NKAIN2: variants seen among roughly 807,000 people sequenced by gnomAD.
The protein encoded by NKAIN2 is sodium/potassium-transporting ATPase subunit beta-1-interacting protein 2.
NKAIN2 carries 14 observed loss-of-function variants against 32.6 expected under a neutral mutation model. The observed-to-expected ratio is 0.43, with a 90% CI of 0.28 to 0.67. NKAIN2 has a LOEUF of 0.67. Ranked by LOEUF, NKAIN2 falls within the 30% of genes least tolerant of loss-of-function variation. The pLI, the probability that NKAIN2 is intolerant of heterozygous loss-of-function variation, is 0.17. For synonymous variants in NKAIN2, 80 were observed against 87.2 expected, an observed-to-expected ratio of 0.92 and a Z score of 0.46; for missense variants, 198 against 258.3, an observed-to-expected ratio of 0.77 and a Z score of 1.60.
chr6:124,224,086 A>G (rs1486814336), intron 1 of NKAIN2, among the ~76,000 whole-genome samples: 1 of 152,192 alleles, frequency 6.6e-6, no homozygotes, highest in African/African-American at 2.4e-5. Flanking sequence ...GACAACTGAT[A>G]CTTCTGTGTA....
At chr6:124,058,189 T>G (rs917491714) in intron 1 of NKAIN2, among the ~76,000 whole-genome samples, 3 of 132,054 alleles carry the variant, frequency 2.3e-5, no homozygotes, top group African/African-American at 8.5e-5. Flanking sequence ...GTTTATTATG[T>G]GACATTTAAG....
chr6:124,358,911 AC>A (rs1196831507), intron 3 of NKAIN2, among the ~76,000 whole-genome samples: 1 of 151,322 alleles, frequency 6.6e-6, no homozygotes, highest in Non-Finnish European at 1.5e-5. Context: ...TTTAGGTCTA[AC>A]ATTTAAGTCT....
chr6:123,946,864 C>T (rs927560204), intron 1 of NKAIN2, among the ~76,000 whole-genome samples: 2 of 152,160 alleles, frequency 1.3e-5, no homozygotes, highest in Non-Finnish European at 2.9e-5. Context: ...GGAGCATCAC[C>T]CCATGAACAG....
chr6:124,263,457 C>G (rs1472066386), intron 1 of NKAIN2, among the ~76,000 whole-genome samples: 1 of 152,170 alleles, frequency 6.6e-6, no homozygotes, highest in East Asian at 1.9e-4. Flanking sequence ...TGGCCTTGCT[C>G]TGCGGACACA....
chr6:124,459,167 G>C (rs1416995844), intron 3 of NKAIN2, among the ~76,000 whole-genome samples: 1 of 151,758 alleles, frequency 6.6e-6, no homozygotes, highest in East Asian at 1.9e-4. Context: ...AAGAGAGGAG[G>C]AGTCCCCAAA....
At chr6:124,786,354 T>A (rs956525082) in intron 4 of NKAIN2, among the ~76,000 whole-genome samples, 3 of 152,100 alleles carry the variant, frequency 2.0e-5, no homozygotes, top group African/African-American at 7.2e-5. Flanking sequence ...AAGGTATCCT[T>A]CCCATTGCTC....
rs545881919 is a variant in NKAIN2, at chr6:124,626,957, T to TTTTA, written c.274-31225_274-31222dup. Among the ~76,000 whole-genome samples the TTTTA allele has an allele frequency of 3.3e-3, 498 of 152,290 alleles. 3 individuals are homozygous for TTTTA. The highest frequency in any genetic ancestry group is 0.011 in the African/African-American group (471 of 41,562). ...GTGTAACCACTGCATCAACTAATGA[T>TTTTA]TTTATTTTCCTTTTTAAAATTATTA... On this transcript the variant is annotated intron_variant, in intron 3 of 6. Transcript: ENST00000368417.
intron 1 of NKAIN2, among the ~76,000 whole-genome samples, chr6:123,945,705 G>A (rs1777031656): frequency 6.6e-6 from 1 of 152,106 alleles, no homozygotes; most frequent in East Asian, 1.9e-4. Flanking sequence ...TTCATGACTT[G>A]TGTTGCCATG....
rs368536236 is a variant in NKAIN2 at position 123,847,342 on chromosome 6, GA to G, written c.54+43096del. Among the ~76,000 whole-genome samples the G allele has an allele frequency of 2.3e-3, 344 of 151,734 alleles. 1 individual carries two copies. Among genetic ancestry groups the G allele is most frequent in the African/African-American group, 7.8e-3 (323 of 41,310 alleles). The stretch of plus-strand genomic sequence containing the variant: ...TCATATTAAATCTTTCAGCCAAACA[GA>G]AAAAAAAGTAACATATACAAATAAT... On this transcript the variant is annotated intron_variant, in intron 1 of 6. Transcript: ENST00000368417.
At chr6:124,802,229 C>T (rs1425403406) in intron 5 of NKAIN2, among the ~76,000 whole-genome samples, 3 of 152,072 alleles carry the variant, frequency 2.0e-5, no homozygotes, top group African/African-American at 7.2e-5. Flanking sequence ...TGTTAATGTA[C>T]CCAAAACCCT....
rs1237596304 is a variant in NKAIN2, at chr6:124,728,844, T to A, written c.475-62495T>A. On this transcript the variant is annotated intron_variant, in intron 4 of 6. Transcript: ENST00000368417. ...ATAAAGAAAAAAAGAGAGAAGAATC[T>A]AATAGACGCAATAAAAAATGATAAA... is the stretch of plus-strand genomic sequence containing the variant. Among the ~76,000 whole-genome samples the A allele has an allele frequency of 4.0e-3, 599 of 151,116 alleles. 7 individuals are homozygous for A. Among genetic ancestry groups the A allele is most frequent in the Admixed American group, 0.028 (419 of 15,098 alleles).
intron 5 of NKAIN2, among the ~76,000 whole-genome samples, chr6:124,801,761 C>A (rs779951872): frequency 6.6e-6 from 1 of 152,106 alleles, no homozygotes; most frequent in Non-Finnish European, 1.5e-5. Flanking sequence ...AGAACTCATG[C>A]AGTTTAGAAG....
intron 1 of NKAIN2, among the ~76,000 whole-genome samples, chr6:124,136,197 A>G: frequency 6.6e-6 from 1 of 152,302 alleles, no homozygotes; most frequent in South Asian, 2.1e-4. Context: ...AGATATTACA[A>G]CCAATACCAC....
chr6:124,052,792 G>A (rs1329202605), intron 1 of NKAIN2, among the ~76,000 whole-genome samples: 1 of 151,944 alleles, frequency 6.6e-6, no homozygotes, highest in East Asian at 1.9e-4. Context: ...GAAAGTCAGG[G>A]GACAAAAAGT....
intron 3 of NKAIN2, among the ~76,000 whole-genome samples, chr6:124,411,784 C>G (rs185732080): frequency 1.3e-5 from 2 of 152,328 alleles, no homozygotes; most frequent in East Asian, 3.9e-4. Flanking sequence ...TGTTTTCCAG[C>G]TTGGTTCCAT....
chr6:124,074,165 G>A (rs956138510), intron 1 of NKAIN2, among the ~76,000 whole-genome samples: 1 of 152,154 alleles, frequency 6.6e-6, no homozygotes, highest in Non-Finnish European at 1.5e-5. Flanking sequence ...TCAAGATTGT[G>A]ACAGGGATGA....
intron 1 of NKAIN2, among the ~76,000 whole-genome samples, chr6:124,171,547 ATTTTT>A (rs10665262): frequency 7.3e-5 from 7 of 96,470 alleles, no homozygotes; most frequent in Admixed American, 2.9e-4. Context: ...GGCCGATTTG[ATTTTT>A]TTTTTTTTTT....
chr6:124,824,913 A>C lies in NKAIN2; in HGVS notation c.*1684A>C, dbSNP rs1781528179. ...ACATTTGAAAATGATAGAGGAACAA[A>C]GAGTTATCATTGGAACATAAACTAT... On this transcript the variant is annotated 3_prime_UTR_variant, in exon 7 of 7. Transcript: ENST00000368417. 6.6e-6 allele frequency: 1 copy of C among 152,556 alleles called. No homozygotes were observed. Among genetic ancestry groups the C allele is most frequent in the Admixed American group, 6.5e-5 (1 of 15,280 alleles). The allele number at this position is 152,556 out of a possible 1,614,324, so 9.5% of individuals were successfully genotyped here. A position where few individuals can be genotyped will look rare whatever the true frequency, so the allele number is the denominator to read the frequency against.
intron 3 of NKAIN2, among the ~76,000 whole-genome samples, chr6:124,511,691 C>G (rs1778719774): frequency 6.6e-6 from 1 of 152,060 alleles, no homozygotes; most frequent in African/African-American, 2.4e-5. Context: ...AGAGTAAAGT[C>G]TCTATGTCTT....
Sources: gnomAD v4.1 joint callset for allele counts (sites outside exome capture counted in the v4.1 genomes callset) on GRCh38, gnomAD v4.1.1 for gene constraint, MANE v1.5 for transcripts, NCBI Gene and HGNC (gene_info 2026-07-23, HGNC 2026-07-21) for gene names.